RANBP17: variants seen among roughly 807,000 people sequenced by gnomAD.
RANBP17 encodes ran-binding protein 17.
A neutral mutation model predicts 141.2 loss-of-function variants in RANBP17; 158 were observed. That is an observed-to-expected ratio of 1.12 (90% CI 0.98 to 1.28). The LOEUF (loss-of-function observed/expected upper bound fraction) is 1.28. Among genes scored for constraint, RANBP17 ranks in the 50% most tolerant of loss-of-function variants. The pLI, the probability that RANBP17 is intolerant of heterozygous loss-of-function variation, is 0.00. For synonymous variants in RANBP17, 430 were observed against 450.0 expected (o/e 0.96, Z 0.56); for missense variants, 1,438 against 1,290.7 (o/e 1.11, Z -1.75).
chr5:171,183,137 T>C (rs1376130582), intron 16 of RANBP17, 30 bp from the exon 17 acceptor site: 1 of 1,192,774 alleles, frequency 8.4e-7, no homozygotes, highest in East Asian at 2.3e-5. Flanking sequence ...ATTACAAATA[T>C]ATTTCCTTAG....
chr5:171,229,515 C>T (rs889625200), intron 22 of RANBP17, among the ~76,000 whole-genome samples: 12 of 151,924 alleles, frequency 7.9e-5, no homozygotes, highest in Admixed American at 2.6e-4. Context: ...CTGCCTCAGC[C>T]TCCCGAGTAA....
intron 14 of RANBP17, among the ~76,000 whole-genome samples, chr5:171,020,862 T>C (rs1384020952): frequency 6.6e-6 from 1 of 152,192 alleles, no homozygotes; most frequent in African/African-American, 2.4e-5. Flanking sequence ...AGTTTCTTCA[T>C]AGTGTCATTG....
At chr5:171,080,437 G>C (rs1432490503) in intron 14 of RANBP17, among the ~76,000 whole-genome samples, 3 of 152,076 alleles carry the variant, frequency 2.0e-5, no homozygotes, top group African/African-American at 7.2e-5. Context: ...TTTGTGAATT[G>C]TTTACATGTC....
In RANBP17 at chr5:170,919,443, C is replaced by T; in HGVS notation, c.1104C>T (p.His368=). ...ACTTCTGCTTTATTTCTTTGTAGCA[C>T]TGGGAATTTGCTCCTAACAGTGTTC... ...IANFTITSLQ[H]WEFAPNSVHY... is the part of the protein sequence containing the mutation. Residue 368 remains histidine, a splice_region_variant and synonymous_variant, in exon 11 of 28, where the codon CAC becomes CAT. Transcript: ENST00000523189. 1 of 1,560,136 alleles carries T rather than the reference C, an allele frequency of 6.4e-7. No homozygotes were observed. Among genetic ancestry groups the T allele is most frequent in the Non-Finnish European group, 8.6e-7 (1 of 1,156,418 alleles).
intron 14 of RANBP17, among the ~76,000 whole-genome samples, chr5:171,060,831 C>T (rs1783780221): frequency 6.6e-6 from 1 of 152,164 alleles, no homozygotes; most frequent in Admixed American, 6.6e-5. Flanking sequence ...ATTATTGCCA[C>T]AATTTCAGAG....
intron 19 of RANBP17, among the ~76,000 whole-genome samples, chr5:171,202,846 A>G (rs1286559029): frequency 6.6e-6 from 1 of 152,156 alleles, no homozygotes; most frequent in Non-Finnish European, 1.5e-5. Flanking sequence ...CTTTGTTGTT[A>G]TTATATAGTA....
intron 21 of RANBP17, among the ~76,000 whole-genome samples, chr5:171,219,539 G>A (rs1166996969): frequency 6.6e-6 from 1 of 152,062 alleles, no homozygotes; most frequent in East Asian, 1.9e-4. Context: ...GTCAATGGCA[G>A]GTTTGGTCTT....
chr5:170,933,906 G>C (rs1022272098), intron 12 of RANBP17, among the ~76,000 whole-genome samples: 6 of 152,202 alleles, frequency 3.9e-5, no homozygotes, highest in Admixed American at 3.3e-4. Context: ...TTGGGGTGGA[G>C]CGTTCTGTAG....
intron 17 of RANBP17, 27 bp from the exon 18 acceptor site, chr5:171,183,295 C>T (rs777213890): frequency 6.3e-7 from 1 of 1,586,978 alleles, no homozygotes; most frequent in South Asian, 1.1e-5. Context: ...GTGTTAGTAA[C>T]TTGGATTACT....
intron 14 of RANBP17, among the ~76,000 whole-genome samples, chr5:171,061,467 C>T (rs1317052044): frequency 5.9e-5 from 9 of 151,858 alleles, no homozygotes; most frequent in South Asian, 2.1e-4. Flanking sequence ...TGTAGTTGAG[C>T]GGTTTTGAGT....
At chr5:170,878,661 T>A (rs1365970477) in intron 2 of RANBP17, among the ~76,000 whole-genome samples, 3 of 152,196 alleles carry the variant, frequency 2.0e-5, no homozygotes, top group Non-Finnish European at 2.9e-5. Flanking sequence ...ATATTCATAG[T>A]CTAGACATTC....
chr5:171,287,490 CA>C lies in RANBP17; in HGVS notation c.2944-6377del, dbSNP rs1188089542. On this transcript the variant is annotated intron_variant, in intron 25 of 27. Coordinates refer to ENST00000523189, the MANE Select transcript of RANBP17 (RefSeq NM_022897.5). ...GGGCGACAGGAGCGAAACTCCATCT[CA>C]AAAAAAAAAAAAAAATGATTAACAG... 9.8e-3 allele frequency among the ~76,000 whole-genome samples: 1,146 copies of C among 117,410 alleles called. 7 individuals carry two copies. The highest frequency in any genetic ancestry group is 0.045 in the Middle Eastern group (10 of 222). The allele number at this position is 117,410 out of a possible 152,430, so 77.0% of individuals were successfully genotyped here. A position where few individuals can be genotyped will look rare whatever the true frequency, so the allele number is the denominator to read the frequency against.
intron 3 of RANBP17, among the ~76,000 whole-genome samples, chr5:170,886,643 T>A (rs901371674): frequency 3.4e-5 from 5 of 147,166 alleles, no homozygotes; most frequent in Non-Finnish European, 7.4e-5. Flanking sequence ...ACCATTCATT[T>A]GAGGTGCCTT....
Position 171,169,132 on chromosome 5 carries a change from CT to C in RANBP17, c.1711-997del, listed in dbSNP as rs1486546305. Among the ~76,000 whole-genome samples, 4 of 152,094 alleles carry C rather than the reference CT, an allele frequency of 2.6e-5. No individual in the cohort carries two copies. In the East Asian group the frequency reaches 7.7e-4, roughly 29 times the overall value. On this transcript the variant is annotated intron_variant, in intron 14 of 27. Coordinates refer to ENST00000523189, the MANE Select transcript of RANBP17 (RefSeq NM_022897.5). ...TACCTCTGGGTGATTTGTGTTGCCC[CT>C]GTGATACCTTCATGACCTATGGTGG...
chr5:170,974,259 A>C (rs1777207057), intron 14 of RANBP17, among the ~76,000 whole-genome samples: 1 of 152,182 alleles, frequency 6.6e-6, no homozygotes, highest in African/African-American at 2.4e-5. Context: ...TGCTTCCAAA[A>C]TACAATGGTG....
intron 1 of RANBP17, chr5:170,867,168 C>G (rs1767332089): frequency 6.6e-6 from 1 of 152,116 alleles, no homozygotes; most frequent in African/African-American, 2.4e-5. Context: ...AGGACATCAT[C>G]TCCAGGTCGA....
intron 14 of RANBP17, among the ~76,000 whole-genome samples, chr5:171,160,888 G>A (rs898052441): frequency 6.6e-6 from 1 of 152,058 alleles, no homozygotes. Context: ...TGCCTCCTGG[G>A]TTCAAGTGAT....
intron 25 of RANBP17, among the ~76,000 whole-genome samples, chr5:171,282,540 A>T (rs989574852): frequency 6.6e-6 from 1 of 152,058 alleles, no homozygotes; most frequent in Non-Finnish European, 1.5e-5. Context: ...GTGCAGTCAC[A>T]TGATCTCAGC....
chr5:170,908,507 T>C (rs536572319), intron 5 of RANBP17, among the ~76,000 whole-genome samples: 2 of 151,370 alleles, frequency 1.3e-5, no homozygotes, highest in Admixed American at 6.6e-5. Flanking sequence ...AACTGGGGAC[T>C]ACTAGATAGG....
Sources: allele counts gnomAD v4.1 joint callset (sites outside exome capture counted in the v4.1 genomes callset), GRCh38; gene constraint gnomAD v4.1.1; transcripts MANE v1.5; gene names NCBI Gene and HGNC (gene_info 2026-07-23, HGNC 2026-07-21).